ADAM12: variants seen among roughly 807,000 people sequenced by gnomAD.
ADAM12 encodes ADAM metallopeptidase domain 12, also known as disintegrin and metalloproteinase domain-containing protein 12.
A neutral mutation model predicts 106.4 loss-of-function variants in ADAM12; 70 were observed. The observed-to-expected ratio is 0.66, with a 90% CI of 0.54 to 0.80. The LOEUF (loss-of-function observed/expected upper bound fraction) is 0.80, where lower values mean the gene tolerates loss of function less well. ADAM12 is among the 30% of genes least tolerant of loss of function. ADAM12 has a pLI of 0.00. For synonymous variants in ADAM12, 420 were observed against 433.5 expected, an observed-to-expected ratio of 0.97 and a Z score of 0.39; for missense variants, 1,010 against 1,171.9, an observed-to-expected ratio of 0.86 and a Z score of 2.02.
chr10:126,220,995 C>T (rs1469108774), intron 3 of ADAM12, among the ~76,000 whole-genome samples: 3 of 152,236 alleles, frequency 2.0e-5, no homozygotes, highest in Non-Finnish European at 2.9e-5. Flanking sequence ...AAAGCCTCTC[C>T]ACATCATTGG....
intron 1 of ADAM12, among the ~76,000 whole-genome samples, chr10:126,373,033 T>TCTA (rs1856165212): frequency 2.0e-5 from 3 of 152,184 alleles, no homozygotes; most frequent in Admixed American, 1.3e-4. Context: ...TAGTGGCAAA[T>TCTA]CAGGCGTCTG....
rs118068042 is a variant in ADAM12 at position 126,222,844 on chromosome 10, C to T, written c.260+56071G>A. Among the ~76,000 whole-genome samples the T allele has an allele frequency of 3.6e-3, 555 of 152,278 alleles. 7 individuals carry two copies. In the East Asian group the frequency reaches 0.037, roughly 10 times the overall value. Reference sequence around the variant, plus strand: ...TTCCTGGCTCCATATACTCTCTCATCCCAAGCTGCTTTCTGACTCTCCTTA... The same window carrying T: ...TTCCTGGCTCCATATACTCTCTCATTCCAAGCTGCTTTCTGACTCTCCTTA... On this transcript the variant is annotated intron_variant, in intron 3 of 22. Transcript: ENST00000448723.
At chr10:126,096,681 G>A (rs1394466451) in intron 10 of ADAM12, among the ~76,000 whole-genome samples, 1 of 152,202 alleles carries the variant, frequency 6.6e-6, no homozygotes, top group Non-Finnish European at 1.5e-5. Context: ...TTTTGGTCTG[G>A]TCAAGATGTT....
At chr10:126,188,542 C>A (rs1237378798) in intron 3 of ADAM12, among the ~76,000 whole-genome samples, 1 of 152,146 alleles carries the variant, frequency 6.6e-6, no homozygotes, top group Non-Finnish European at 1.5e-5. Flanking sequence ...AAACAAAGGC[C>A]TTGTCTGTGT....
chr10:126,175,951 G>A (rs1200225195), intron 3 of ADAM12, among the ~76,000 whole-genome samples: 1 of 152,176 alleles, frequency 6.6e-6, no homozygotes, highest in Non-Finnish European at 1.5e-5. Context: ...TATGGGTCTC[G>A]TAAGGTCTCT....
chr10:126,100,866 G>C (rs576500805), intron 9 of ADAM12, among the ~76,000 whole-genome samples: 2 of 152,316 alleles, frequency 1.3e-5, no homozygotes, highest in African/African-American at 4.8e-5. Context: ...AGGTTTTCCA[G>C]GGTGTTCAGA....
intron 21 of ADAM12, 59 bp from the exon 22 acceptor site, chr10:126,019,884 G>C (rs1590291672): frequency 6.5e-7 from 1 of 1,531,718 alleles, no homozygotes. Flanking sequence ...AGGCCCCTGA[G>C]AAGCAGGGCC....
intron 5 of ADAM12, among the ~76,000 whole-genome samples, chr10:126,129,668 C>T (rs924182226): frequency 1.3e-5 from 2 of 152,126 alleles, no homozygotes; most frequent in Non-Finnish European, 2.9e-5. Flanking sequence ...CTGGGAGTTG[C>T]GCATCGATGG....
Position 126,019,860 on chromosome 10 carries a change from C to G in ADAM12, c.2530-35G>C, listed in dbSNP as rs1289184088. 4 of 1,578,150 alleles carry G rather than the reference C, an allele frequency of 2.5e-6. No individual in the cohort carries two copies. In the East Asian group the frequency reaches 9.3e-5, roughly 37 times the overall value. On this transcript the variant is annotated intron_variant, in intron 21 of 22. Coordinates refer to ENST00000448723, the MANE Select transcript of ADAM12 (RefSeq NM_001288973.2). Reference sequence around the variant, plus strand: ...ACATAGGGTTAGGCAGGGTCACTTACCAGGAGCCAGCAGAGGCCCCTGAGA... The same window carrying G: ...ACATAGGGTTAGGCAGGGTCACTTAGCAGGAGCCAGCAGAGGCCCCTGAGA...
chr10:126,216,482 C>G (rs935998600), intron 3 of ADAM12, among the ~76,000 whole-genome samples: 1 of 152,214 alleles, frequency 6.6e-6, no homozygotes, highest in African/African-American at 2.4e-5. Flanking sequence ...AAGATGTATT[C>G]CATCAGAGCC....
At chr10:126,121,187 A>G (rs1375177783) in intron 5 of ADAM12, among the ~76,000 whole-genome samples, 1 of 106,004 alleles carries the variant, frequency 9.4e-6, no homozygotes, top group Non-Finnish European at 1.7e-5. Flanking sequence ...TATACACTAT[A>G]TACTATATAT....
intron 3 of ADAM12, among the ~76,000 whole-genome samples, chr10:126,271,807 C>A (rs1460411768): frequency 6.6e-6 from 1 of 152,152 alleles, no homozygotes; most frequent in African/African-American, 2.4e-5. Context: ...ATTGTTCTGC[C>A]TACAGGCCTT....
intron 2 of ADAM12, among the ~76,000 whole-genome samples, chr10:126,315,498 A>T (rs1344507699): frequency 6.6e-6 from 1 of 152,130 alleles, no homozygotes; most frequent in Non-Finnish European, 1.5e-5. Flanking sequence ...TGTCTGGGCA[A>T]CTGAAGTATG....
chr10:126,280,205 T>A lies in ADAM12; in HGVS notation c.187-1217A>T, dbSNP rs112704879. On this transcript the variant is annotated intron_variant, in intron 2 of 22. Coordinates refer to ENST00000448723, the MANE Select transcript of ADAM12 (RefSeq NM_001288973.2). The stretch of plus-strand genomic sequence containing the variant: ...GAATTTAAAGAAAACCCATAACAAC[T>A]GAAGGTCACATGAGTTTTGGGAAAA... Among the ~76,000 whole-genome samples, 1,483 of 151,826 alleles carry A rather than the reference T, an allele frequency of 9.8e-3. 32 individuals are homozygous for A. The highest frequency in any genetic ancestry group is 0.034 in the African/African-American group (1,422 of 41,376).
intron 1 of ADAM12, among the ~76,000 whole-genome samples, chr10:126,367,495 A>G (rs1855952633): frequency 6.6e-6 from 1 of 151,934 alleles, no homozygotes; most frequent in Non-Finnish European, 1.5e-5. Flanking sequence ...CTAAGTAAGG[A>G]TCAACCAAAA....
At chr10:126,127,496 C>G (rs746255572) in intron 5 of ADAM12, among the ~76,000 whole-genome samples, 1 of 152,192 alleles carries the variant, frequency 6.6e-6, no homozygotes, top group African/African-American at 2.4e-5. Context: ...AGGACACAGC[C>G]GTGTTGGGGC....
intron 5 of ADAM12, among the ~76,000 whole-genome samples, chr10:126,123,624 G>T (rs1254641553): frequency 1.2e-4 from 18 of 152,268 alleles, no homozygotes; most frequent in Admixed American, 1.0e-3. Flanking sequence ...TCACTCTGCT[G>T]ACCATGGCTG....
At chr10:126,340,876 T>G (rs1854904687) in intron 1 of ADAM12, among the ~76,000 whole-genome samples, 1 of 151,928 alleles carries the variant, frequency 6.6e-6, no homozygotes, top group Non-Finnish European at 1.5e-5. Context: ...CCACCACGCC[T>G]GGCTAATTTT....
At position 126,308,903 on chromosome 10, in the gene ADAM12, A is replaced by G. The variant is rs1025670589; in HGVS notation, c.186+21509T>C. Among the ~76,000 whole-genome samples the G allele has an allele frequency of 2.6e-5, 4 of 152,218 alleles. No individual in the cohort carries two copies. The East Asian group carries it at 7.7e-4, about 29-fold the overall frequency. Reference sequence around the variant, plus strand: ...CCAGTCCAAGAATGATGTATGTGTCAGCTGTCATGAAGCCCCTTCTGGGAC... The same window carrying G: ...CCAGTCCAAGAATGATGTATGTGTCGGCTGTCATGAAGCCCCTTCTGGGAC... On this transcript the variant is annotated intron_variant, in intron 2 of 22. Transcript: ENST00000448723.
Sources: gnomAD v4.1 joint callset for allele counts (sites outside exome capture counted in the v4.1 genomes callset) on GRCh38, gnomAD v4.1.1 for gene constraint, MANE v1.5 for transcripts, NCBI Gene and HGNC (gene_info 2026-07-23, HGNC 2026-07-21) for gene names.